KDM7A: variants seen among roughly 807,000 people sequenced by gnomAD.
KDM7A encodes lysine-specific demethylase 7A.
A neutral mutation model predicts 114.8 loss-of-function variants in KDM7A; 28 were observed. The observed-to-expected ratio is 0.24, with a 90% confidence interval of 0.18 to 0.33. The LOEUF is 0.33. Among genes scored for constraint, KDM7A ranks in the 10% least tolerant of loss-of-function variants. The pLI is 1.00. For missense variants in KDM7A, 942 were observed against 1,142.5 expected (o/e 0.82, Z 2.53); for synonymous variants, 423 against 397.8 (o/e 1.06, Z -0.75).
At chr7:140,103,114 CA>C (rs1818260051) in intron 11 of KDM7A, among the ~76,000 whole-genome samples, 1 of 152,130 alleles carries the variant, frequency 6.6e-6, no homozygotes, top group Admixed American at 6.5e-5. Flanking sequence ...ACCCACTACA[CA>C]ATAATTTCCC....
In KDM7A at chr7:140,097,634, T is replaced by TA. The variant is rs1486010732; in HGVS notation, c.1926dup (p.Thr643TyrfsTer10). ...CTCCTGAGTTCTGATTTCACACGTGTAAAAAACCCTGAAAAAGAATGAAAG... is the reference window on the plus strand; with the variant it reads ...CTCCTGAGTTCTGATTTCACACGTGTAAAAAAACCCTGAAAAAGAATGAAAG... On this transcript the variant is annotated frameshift_variant, in exon 15 of 20. Transcript: ENST00000397560. 6.4e-7 allele frequency: 1 copy of TA among 1,559,548 alleles called. No individual in the cohort carries two copies. The highest frequency in any genetic ancestry group is 1.7e-5 in the Admixed American group (1 of 59,322).
intron 1 of KDM7A, among the ~76,000 whole-genome samples, chr7:140,173,962 G>C (rs565310769): frequency 6.6e-6 from 1 of 152,080 alleles, no homozygotes; most frequent in East Asian, 1.9e-4. Context: ...TCAAGAGTTC[G>C]AAACCAGTGT....
Position 140,176,677 on chromosome 7 carries a change from C to CCGG in KDM7A, c.194+64_194+66dup, listed in dbSNP as rs1436751703. 1.8e-4 allele frequency: 183 copies of CCGG among 1,036,554 alleles called. 1 individual carries two copies. Among genetic ancestry groups the CCGG allele is most frequent in the Middle Eastern group, 1.5e-3 (4 of 2,598 alleles). The allele number at this position is 1,036,554 out of a possible 1,614,324, so 64.2% of individuals were successfully genotyped here. On this transcript the variant is annotated intron_variant, in intron 1 of 19. Coordinates refer to ENST00000397560, the MANE Select transcript of KDM7A (RefSeq NM_030647.2). The surrounding 1 kb of genome is among the most constrained non-coding windows in gnomAD (Gnocchi z 4.4). ...CCCGGCCCGAGGGAGGCGCGGGCGG[C>CCGG]CGGCGGCGGCGGCGGTTGGTCGGTG...
chr7:140,113,398 G>A (rs1818464568), intron 10 of KDM7A, 93 bp downstream of exon 10: 3 of 636,296 alleles, frequency 4.7e-6, no homozygotes, highest in Admixed American at 2.6e-5. Flanking sequence ...CTCTACTACT[G>A]GCATTCACAC....
intron 1 of KDM7A, among the ~76,000 whole-genome samples, chr7:140,149,649 C>T (rs1168450738): frequency 1.3e-5 from 2 of 152,156 alleles, no homozygotes; most frequent in Non-Finnish European, 2.9e-5. Context: ...AATTAGGATA[C>T]AAACAGTGCC....
rs550102524 is a variant in KDM7A at position 140,134,366 on chromosome 7, T to C, written c.281-710A>G. On this transcript the variant is annotated intron_variant, in intron 2 of 19. Transcript: ENST00000397560. The stretch of plus-strand genomic sequence containing the variant: ...GGGCAGGTCACTTAACACCTATGGA[T>C]CCAGATTCCTCAATGTAGGAATGAA... Among the ~76,000 whole-genome samples, 3 of 152,258 alleles carry C rather than the reference T, an allele frequency of 2.0e-5. 1 individual carries two copies. Among genetic ancestry groups the C allele is most frequent in the South Asian group, 2.1e-4 (1 of 4,824 alleles).
chr7:140,115,273 C>T (rs535211177), intron 9 of KDM7A, among the ~76,000 whole-genome samples: 20 of 151,604 alleles, frequency 1.3e-4, no homozygotes, highest in South Asian at 1.3e-3. Context: ...TCTGCCCAGC[C>T]GCCACCCCGT....
At chr7:140,162,083 C>T (rs1186946718) in intron 1 of KDM7A, among the ~76,000 whole-genome samples, 1 of 152,106 alleles carries the variant, frequency 6.6e-6, no homozygotes, top group Non-Finnish European at 1.5e-5. Flanking sequence ...CACCTGTAAT[C>T]CCGGCACTTT....
Position 140,102,121 on chromosome 7 carries a change from T to C in KDM7A, c.1468A>G (p.Ile490Val), listed in dbSNP as rs1312489709. The change falls in exon 12 of 20, where the codon ATT (isoleucine) becomes GTT (valine). Residue 490 changes from isoleucine (I) to valine (V), a missense_variant. Ile to Val is a conservative substitution (Grantham distance 29). Transcript: ENST00000397560. ...GKPVKSQGIP[I>V]VCPVSRSSNE... is the part of the protein sequence containing the mutation. Reference sequence around the variant, plus strand: ...GAGGATCGTGAAACTGGACACACAATAGGAATTCCCTGAGATTTAACTGGT... The same window carrying C: ...GAGGATCGTGAAACTGGACACACAACAGGAATTCCCTGAGATTTAACTGGT... 1.2e-6 allele frequency: 2 copies of C among 1,614,044 alleles called. No individual in the cohort carries two copies. Among genetic ancestry groups the C allele is most frequent in the Admixed American group, 1.7e-5 (1 of 60,016 alleles).
chr7:140,148,923 A>G (rs1210377671), intron 1 of KDM7A, among the ~76,000 whole-genome samples: 5 of 152,168 alleles, frequency 3.3e-5, no homozygotes. Flanking sequence ...GTGGCATACT[A>G]TATGCTTAAG....
intron 2 of KDM7A, among the ~76,000 whole-genome samples, 189 bp downstream of exon 2, chr7:140,138,916 C>CGAA: frequency 6.6e-6 from 1 of 152,160 alleles, no homozygotes. Flanking sequence ...GTACATTTCC[C>CGAA]CCCTTAATCT....
At position 140,176,663 on chromosome 7, in the gene KDM7A, G is replaced by A; in HGVS notation, c.194+81C>T. 1 of 986,682 alleles carries A rather than the reference G, an allele frequency of 1.0e-6. No individual in the cohort carries two copies. The highest frequency in any genetic ancestry group is 1.2e-6 in the Non-Finnish European group (1 of 817,160). 61.1% of individuals were successfully genotyped at this position (986,682 alleles called of 1,614,324 possible). A position where few individuals can be genotyped will look rare whatever the true frequency, so the allele number is the denominator to read the frequency against. On this transcript the variant is annotated intron_variant, in intron 1 of 19. Transcript: ENST00000397560. The surrounding 1 kb of genome is among the most constrained non-coding windows in gnomAD (Gnocchi z 4.4). ...GCGCGGCGCGGCGGCCCGGCCCGAG[G>A]GAGGCGCGGGCGGCCGGCGGCGGCG...
At chr7:140,171,561 T>TATATTTATAAA in intron 1 of KDM7A, among the ~76,000 whole-genome samples, 1 of 113,538 alleles carries the variant, frequency 8.8e-6, no homozygotes, top group East Asian at 2.1e-4. Context: ...ATATTTATTT[T>TATATTTATAAA]TATATATTTA....
At position 140,098,554 on chromosome 7, in the gene KDM7A, G is replaced by A. The variant is rs577567891; in HGVS notation, c.1918+325C>T. Among the ~76,000 whole-genome samples the A allele has an allele frequency of 2.6e-5, 4 of 152,148 alleles. No homozygotes were observed. The South Asian group carries it at 6.2e-4, about 24-fold the overall frequency. On this transcript the variant is annotated intron_variant, in intron 14 of 19. Transcript: ENST00000397560. ...GCTGAACTTACATATAAAATTAAACGAAACTTGAAACTTTTATTTTGGGGA... is the reference window on the plus strand; with the variant it reads ...GCTGAACTTACATATAAAATTAAACAAAACTTGAAACTTTTATTTTGGGGA...
chr7:140,142,944 A>T (rs1794300793), intron 1 of KDM7A, among the ~76,000 whole-genome samples: 1 of 152,072 alleles, frequency 6.6e-6, no homozygotes, highest in Non-Finnish European at 1.5e-5. Context: ...TCTACAAGTT[A>T]ATCAAGGCGG....
rs754287415 is a variant in KDM7A at position 140,091,867 on chromosome 7, G to A, written c.2668C>T (p.Pro890Ser). 4.3e-6 allele frequency: 7 copies of A among 1,613,644 alleles called. No individual in the cohort carries two copies. The Admixed American group carries it at 1.0e-4, about 23-fold the overall frequency. The part of the protein sequence containing the change: ...RPVGETSFSV[P>S]LHPTKRPASN... ...GCCGGTCTCTTGGTGGGGTGAAGGG[G>A]CACCGAGAAGGAAGTTTCACCAACT... Residue 890 changes from proline to serine, a missense_variant, in exon 19 of 20, where the codon CCC (proline) becomes TCC (serine). Physicochemically the swap from Pro to Ser is moderately conservative, Grantham distance 74. Transcript: ENST00000397560.
At chr7:140,138,485 G>A (rs1320497855) in intron 2 of KDM7A, among the ~76,000 whole-genome samples, 1 of 152,064 alleles carries the variant, frequency 6.6e-6, no homozygotes, top group African/African-American at 2.4e-5. Context: ...AGATGCCTGA[G>A]GCTTCCCTGG....
chr7:140,176,492 T>C lies in KDM7A; in HGVS notation c.194+252A>G, dbSNP rs2116869148. ...CCCCTGCCAACTTATCCGCCGGCCC[T>C]CTTTGTTCGTGTTTGTTGTGGCGAC... On this transcript the variant is annotated intron_variant, in intron 1 of 19. Transcript: ENST00000397560. This position sits in a 1 kb window ranked among gnomAD's most constrained non-coding sequence, Gnocchi z 4.4. Among the ~76,000 whole-genome samples the C allele has an allele frequency of 6.8e-6, 1 of 146,298 alleles. No individual in the cohort carries two copies. Among genetic ancestry groups the C allele is most frequent in the Admixed American group, 6.8e-5 (1 of 14,812 alleles).
At chr7:140,149,737 C>T (rs1266443864) in intron 1 of KDM7A, among the ~76,000 whole-genome samples, 2 of 151,908 alleles carry the variant, frequency 1.3e-5, no homozygotes, top group Non-Finnish European at 2.9e-5. Context: ...AAATATCATC[C>T]CAAAATGAAT....
Sources: allele counts gnomAD v4.1 joint callset (sites outside exome capture counted in the v4.1 genomes callset), GRCh38; gene constraint gnomAD v4.1.1; non-coding constraint Gnocchi (gnomAD v3.1); transcripts MANE v1.5; gene names NCBI Gene and HGNC (gene_info 2026-07-23, HGNC 2026-07-21).